Variants in LIN52 observed in about 807,000 individuals in gnomAD.
LIN52 encodes lin-52 DREAM MuvB core complex component.
A neutral mutation model predicts 18.5 loss-of-function variants in LIN52; 4 were observed. The observed-to-expected ratio is 0.22, with a 90% confidence interval of 0.11 to 0.49. The LOEUF (loss-of-function observed/expected upper bound fraction) is 0.49. Ranked by LOEUF, LIN52 falls within the 20% of genes least tolerant of loss-of-function variation. The pLI, the probability that LIN52 is intolerant of heterozygous loss-of-function variation, is 0.97. For missense variants in LIN52, 102 were observed against 139.5 expected (o/e 0.73, Z 1.35); for synonymous variants, 34 against 45.5 (o/e 0.75, Z 1.02).
intron 5 of LIN52, among the ~76,000 whole-genome samples, chr14:74,140,157 TA>T (rs1294917094): frequency 6.6e-6 from 1 of 152,202 alleles, no homozygotes; most frequent in Non-Finnish European, 1.5e-5. Flanking sequence ...ATAAGTCTAG[TA>T]GAGTTTTGCT....
chr14:74,096,027 C>T lies in LIN52; in HGVS notation c.132+42C>T, dbSNP rs546259868. 4.6e-5 allele frequency: 62 copies of T among 1,361,364 alleles called. No homozygotes were observed. The East Asian group carries it at 8.7e-4, about 19-fold the overall frequency. 84.3% of individuals were successfully genotyped at this position (1,361,364 alleles called of 1,614,324 possible). A position where few individuals can be genotyped will look rare whatever the true frequency, so the allele number is the denominator to read the frequency against. On this transcript the variant is annotated intron_variant, in intron 3 of 5. Coordinates refer to ENST00000555028, the MANE Select transcript of LIN52 (RefSeq NM_001024674.3). ...ACCTACTGAGGTCAATCCAAAGTTT[C>T]GCTCCTGAGTAAAAGCTCAGATCTC...
At chr14:74,098,266 C>T (rs905342432) in intron 4 of LIN52, among the ~76,000 whole-genome samples, 3 of 152,078 alleles carry the variant, frequency 2.0e-5, no homozygotes, top group Non-Finnish European at 4.4e-5. Context: ...TGTCTGTAAT[C>T]TTAGCATTTT....
chr14:74,139,910 C>T (rs922170955), intron 5 of LIN52, among the ~76,000 whole-genome samples: 1 of 152,090 alleles, frequency 6.6e-6, no homozygotes, highest in Non-Finnish European at 1.5e-5. Context: ...ATGAGGTAGA[C>T]TGTGGTGATA....
chr14:74,176,625 G>C (rs1011669245), intron 5 of LIN52, among the ~76,000 whole-genome samples: 3 of 152,032 alleles, frequency 2.0e-5, no homozygotes, highest in South Asian at 4.1e-4. Flanking sequence ...GCACTATGAC[G>C]ATGTTACAAC....
chr14:74,192,016 G>A (rs1466209863), intron 5 of LIN52, among the ~76,000 whole-genome samples: 1 of 152,152 alleles, frequency 6.6e-6, no homozygotes. Context: ...CCTAGTACCC[G>A]ACATTACTCC....
chr14:74,117,643 T>C (rs2060973223), intron 5 of LIN52, among the ~76,000 whole-genome samples: 1 of 152,200 alleles, frequency 6.6e-6, no homozygotes, highest in Non-Finnish European at 1.5e-5. Flanking sequence ...CTGCTTTCGT[T>C]TGTTTTTTAG....
rs574141939 is a variant in LIN52, at chr14:74,087,975, G to A, written c.19+2982G>A. Among the ~76,000 whole-genome samples the A allele has an allele frequency of 1.3e-4, 20 of 152,238 alleles. No homozygotes were observed. In the South Asian group the frequency reaches 2.1e-3, roughly 16 times the overall value. ...ACTCTATTGCCCATGCTGAAATGCA[G>A]TGATATGATTATAGCTCACTGCACC... On this transcript the variant is annotated intron_variant, in intron 1 of 5. Coordinates refer to ENST00000555028, the MANE Select transcript of LIN52 (RefSeq NM_001024674.3).
At chr14:74,124,698 T>C (rs1324687669) in intron 5 of LIN52, among the ~76,000 whole-genome samples, 2 of 150,740 alleles carry the variant, frequency 1.3e-5, no homozygotes, top group African/African-American at 2.4e-5. Flanking sequence ...TAATCCCAGC[T>C]ACTCAGTGGG....
intron 3 of LIN52, among the ~76,000 whole-genome samples, chr14:74,097,518 C>T (rs1487075589): frequency 6.6e-6 from 1 of 150,474 alleles, no homozygotes; most frequent in Non-Finnish European, 1.5e-5. Flanking sequence ...CTGCCTCCCA[C>T]ATTCAAGAGG....
chr14:74,111,445 T>G (rs1033956574), intron 5 of LIN52, among the ~76,000 whole-genome samples: 3 of 144,272 alleles, frequency 2.1e-5, no homozygotes, highest in African/African-American at 7.7e-5. Flanking sequence ...AGTGCCACCA[T>G]GCCTGACTGA....
chr14:74,178,912 C>G lies in LIN52; in HGVS notation c.284-20010C>G, dbSNP rs548993773. Among the ~76,000 whole-genome samples, 9 of 151,838 alleles carry G rather than the reference C, an allele frequency of 5.9e-5. No homozygotes were observed. The South Asian group carries it at 8.3e-4, about 14-fold the overall frequency. ...CCTGGCCAACATAGTGAGACCCCATCTCTACAAAAAAAAACAACTTAAAAA... is the reference window on the plus strand; with the variant it reads ...CCTGGCCAACATAGTGAGACCCCATGTCTACAAAAAAAAACAACTTAAAAA... On this transcript the variant is annotated intron_variant, in intron 5 of 5. Coordinates refer to ENST00000555028, the MANE Select transcript of LIN52 (RefSeq NM_001024674.3).
In LIN52 at chr14:74,103,426, GA is replaced by G. The variant is rs1314657537; in HGVS notation, c.283+2189del. On this transcript the variant is annotated intron_variant, in intron 5 of 5. Coordinates refer to ENST00000555028, the MANE Select transcript of LIN52 (RefSeq NM_001024674.3). ...TCAGGAACAGTGGCACAAAATGTAA[GA>G]TTTTTTTTTTTTTTTTTTTTTTGAG... Among the ~76,000 whole-genome samples the G allele has an allele frequency of 2.2e-3, 246 of 111,512 alleles. 2 individuals carry two copies. The highest frequency in any genetic ancestry group is 8.3e-3 in the Admixed American group (73 of 8,806). 73.2% of individuals were successfully genotyped at this position (111,512 alleles called of 152,430 possible).
At chr14:74,091,379 G>A in intron 2 of LIN52, 73 bp downstream of exon 2, 1 of 1,063,284 alleles carries the variant, frequency 9.4e-7, no homozygotes, top group Non-Finnish European at 1.4e-6. Flanking sequence ...GATTTTTAAA[G>A]AGTTATTTAT....
intron 5 of LIN52, among the ~76,000 whole-genome samples, chr14:74,194,199 G>A (rs929446683): frequency 2.0e-5 from 3 of 152,176 alleles, no homozygotes; most frequent in African/African-American, 7.2e-5. Flanking sequence ...TAACCAGGGT[G>A]CCTCTGGTAA....
intron 5 of LIN52, among the ~76,000 whole-genome samples, chr14:74,170,125 AGTT>A (rs1595183845): frequency 6.6e-6 from 1 of 152,346 alleles, no homozygotes; most frequent in African/African-American, 2.4e-5. Context: ...AAGACCTGCT[AGTT>A]GTTCCTGTGT....
At chr14:74,180,334 C>G (rs766850069) in intron 5 of LIN52, among the ~76,000 whole-genome samples, 2 of 146,250 alleles carry the variant, frequency 1.4e-5, no homozygotes, top group East Asian at 2.0e-4. Context: ...GGCATGATCT[C>G]GGCTCACTGC....
Position 74,084,965 on chromosome 14 carries a change from G to T in LIN52, c.-10G>T. On this transcript the variant is annotated 5_prime_UTR_variant, in exon 1 of 6. It removes an upstream start codon present in the reference 5' UTR. Transcript: ENST00000555028. ...GACGGTTGGCCACGTCACGTGACAT[G>T]GGTTGGAAGATGGCGTCTCCCACAG... The T allele has an allele frequency of 6.9e-7, 1 of 1,454,104 alleles. No homozygotes were observed. The highest frequency in any genetic ancestry group is 9.1e-7 in the Non-Finnish European group (1 of 1,101,430). The allele number at this position is 1,454,104 out of a possible 1,614,324, so 90.1% of individuals were successfully genotyped here.
At chr14:74,140,634 A>C (rs1404943621) in intron 5 of LIN52, among the ~76,000 whole-genome samples, 1 of 152,198 alleles carries the variant, frequency 6.6e-6, no homozygotes, top group Admixed American at 6.5e-5. Flanking sequence ...ACGAAAAGGG[A>C]AATCTGGGCC....
chr14:74,099,181 A>G (rs2060837124), intron 4 of LIN52, among the ~76,000 whole-genome samples: 1 of 152,210 alleles, frequency 6.6e-6, no homozygotes, highest in African/African-American at 2.4e-5. Flanking sequence ...AAATTAAGGT[A>G]AAAACCTGGG....
Sources: allele counts gnomAD v4.1 joint callset (sites outside exome capture counted in the v4.1 genomes callset), GRCh38; gene constraint gnomAD v4.1.1; transcripts MANE v1.5; gene names NCBI Gene and HGNC (gene_info 2026-07-23, HGNC 2026-07-21).